Variants in NCKAP5L observed in about 807,000 individuals in gnomAD.
NCKAP5L encodes the protein NCK associated protein 5 like, also known as nck-associated protein 5-like.
Under a neutral mutation model 103.2 loss-of-function variants are expected in NCKAP5L, and 54 were observed. That is an observed-to-expected ratio of 0.52 (90% CI 0.42 to 0.66). The LOEUF is 0.66. NCKAP5L is among the 30% of genes least tolerant of loss of function. NCKAP5L has a pLI of 0.00. For missense variants in NCKAP5L, 1,733 were observed against 1,750.6 expected (o/e 0.99, Z 0.18); for synonymous variants, 762 against 748.6 (o/e 1.02, Z -0.29).
intron 1 of NCKAP5L, among the ~76,000 whole-genome samples, chr12:49,827,076 A>T (rs1946425116): frequency 6.6e-6 from 1 of 152,218 alleles, no homozygotes; most frequent in South Asian, 2.1e-4. Flanking sequence ...CTATCACACA[A>T]GGAGTCTCAG....
rs1946037223 is a variant in NCKAP5L at position 49,796,101 on chromosome 12, G to C, written c.1759C>G (p.Leu587Val). ...GGGGCCTGTGGTACCTCCAGAGTTA[G>C]CTGTGGGTAGGTGGGCACCTGCAGT... ...SPLQVPTYPQ[L>V]TLEVPQAPEV... The change falls in exon 8 of 13, where the codon CTA (leucine) becomes GTA (valine). Residue 587 changes from leucine to valine, a missense_variant. Physicochemically the swap from Leu to Val is conservative, Grantham distance 32 (BLOSUM62 1). Coordinates refer to ENST00000335999, the MANE Select transcript of NCKAP5L (RefSeq NM_001037806.4). 1 of 1,608,416 alleles carries C rather than the reference G, an allele frequency of 6.2e-7. No homozygotes were observed.
chr12:49,793,855 G>C lies in NCKAP5L; in HGVS notation c.3137C>G (p.Pro1046Arg). ...CTGGAAATCCCCGTACTCAGGCTTG[G>C]GCTCCCGCCAGCTCTTGGATGGCAG... ...KELPSKSWRE[P>R]KPEYGDFQPV... The change falls in exon 9 of 13, where the codon CCC (proline) becomes CGC (arginine). Residue 1046 changes from proline (P) to arginine (R), a missense_variant. Transcript: ENST00000335999. 1.3e-6 allele frequency: 2 copies of C among 1,574,522 alleles called. No homozygotes were observed. The highest frequency in any genetic ancestry group is 1.7e-6 in the Non-Finnish European group (2 of 1,160,794).
chr12:49,802,151 C>A, intron 5 of NCKAP5L, 184 bp from the exon 6 acceptor site: 1 of 610,682 alleles, frequency 1.6e-6, no homozygotes, highest in Non-Finnish European at 2.8e-6. Flanking sequence ...ATAGCATCTT[C>A]TAGGGATGGT....
intron 1 of NCKAP5L, among the ~76,000 whole-genome samples, chr12:49,816,105 CA>C (rs1244957983): frequency 4.6e-5 from 7 of 152,138 alleles, no homozygotes; most frequent in Non-Finnish European, 1.0e-4. Context: ...TCAGTATTTC[CA>C]AATGCAATGC....
chr12:49,803,617 C>A (rs1193683351), intron 3 of NCKAP5L, among the ~76,000 whole-genome samples: 1 of 152,102 alleles, frequency 6.6e-6, no homozygotes, highest in African/African-American at 2.4e-5. Flanking sequence ...CTCTGACCAC[C>A]CCCTTTCCTA....
Position 49,793,732 on chromosome 12 carries a change from AC to A in NCKAP5L, c.3258+1del. On this transcript the variant is annotated splice_donor_variant, in intron 9 of 12. Coordinates refer to ENST00000335999, the MANE Select transcript of NCKAP5L (RefSeq NM_001037806.4). LOFTEE classifies it high-confidence loss of function. ...CACCCAGTCCCTACCCCAAGAACTT[AC>A]CTTTCCAGGAGGTTTTCCGCAGCCC... The A allele has an allele frequency of 1.3e-6, 2 of 1,547,308 alleles. No individual in the cohort carries two copies. The highest frequency in any genetic ancestry group is 1.7e-6 in the Non-Finnish European group (2 of 1,146,922).
intron 2 of NCKAP5L, 56 bp from the exon 3 acceptor site, chr12:49,804,136 T>C (rs1946153919): frequency 6.5e-7 from 1 of 1,537,362 alleles, no homozygotes; most frequent in Non-Finnish European, 8.8e-7. Context: ...TGAAACCCTT[T>C]AGTCTCCTTG....
chr12:49,795,567 G>A lies in NCKAP5L; in HGVS notation c.2293C>T (p.Pro765Ser). ...GTGAGGCAGCTCCTTGGTGAGACAG[G>A]CTCCAGGTCCACCCGGGCCCCCATG... ...HSMGARVDLE[P>S]VSPRSCLTKV... is the part of the protein sequence containing the mutation. The change falls in exon 8 of 13, where the codon CCT (proline) becomes TCT (serine). Residue 765 changes from proline (P) to serine (S), a missense_variant. Coordinates refer to ENST00000335999, the MANE Select transcript of NCKAP5L (RefSeq NM_001037806.4). 6.5e-7 allele frequency: 1 copy of A among 1,543,478 alleles called. No individual in the cohort carries two copies. Among genetic ancestry groups the A allele is most frequent in the Non-Finnish European group, 8.7e-7 (1 of 1,148,876 alleles).
chr12:49,827,902 C>A (rs1281393120), intron 1 of NCKAP5L, among the ~76,000 whole-genome samples: 1 of 152,238 alleles, frequency 6.6e-6, no homozygotes, highest in African/African-American at 2.4e-5. Flanking sequence ...AGCCCCTCCC[C>A]CCGCAATAAC....
intron 1 of NCKAP5L, among the ~76,000 whole-genome samples, chr12:49,818,697 G>A (rs1282625279): frequency 6.6e-6 from 1 of 151,930 alleles, no homozygotes; most frequent in African/African-American, 2.4e-5. Context: ...TGGCCAGTGG[G>A]TATACGAAAA....
rs1946042742 is a variant in NCKAP5L, at chr12:49,796,333, T to A, written c.1527A>T (p.Gly509=). 2 of 1,545,738 alleles carry A rather than the reference T, an allele frequency of 1.3e-6. No homozygotes were observed. The highest frequency in any genetic ancestry group is 8.7e-7 in the Non-Finnish European group (1 of 1,146,810). ...CTTGCGCCCCCTCTGGGGACAGCTC[T>A]CCTCCACCCAGACCCCTTCGGGCCA... ...PLLARRGLGG[G]ELSPEGAQGL... Residue 509 remains glycine, a synonymous_variant, in exon 8 of 13, where the codon GGA becomes GGT. Transcript: ENST00000335999.
intron 1 of NCKAP5L, among the ~76,000 whole-genome samples, chr12:49,814,685 T>C (rs1159081117): frequency 6.6e-6 from 1 of 151,976 alleles, no homozygotes; most frequent in Admixed American, 6.6e-5. Flanking sequence ...AAAAAAGACA[T>C]AGTAGCACGT....
chr12:49,815,517 T>C (rs1252855938), intron 1 of NCKAP5L, among the ~76,000 whole-genome samples: 1 of 152,240 alleles, frequency 6.6e-6, no homozygotes, highest in East Asian at 1.9e-4. Flanking sequence ...TCTTTCAACA[T>C]GCTTCCTTTT....
At chr12:49,822,294 T>C (rs953253072) in intron 1 of NCKAP5L, among the ~76,000 whole-genome samples, 3 of 152,082 alleles carry the variant, frequency 2.0e-5, no homozygotes, top group Non-Finnish European at 4.4e-5. Flanking sequence ...GGTATGTTGT[T>C]ATAGCAGTTC....
intron 8 of NCKAP5L, 88 bp from the exon 9 acceptor site, chr12:49,793,984 G>A (rs1945984647): frequency 8.1e-7 from 1 of 1,241,182 alleles, no homozygotes; most frequent in African/African-American, 1.5e-5. Flanking sequence ...CTGGGCTTAG[G>A]GAGGCACTTC....
chr12:49,805,533 G>A (rs2603110), intron 2 of NCKAP5L: 44 of 152,122 alleles, frequency 2.9e-4, no homozygotes, highest in African/African-American at 9.2e-4. Flanking sequence ...AAGGGTGGAA[G>A]CTTGGTCCAT....
At position 49,795,073 on chromosome 12, in the gene NCKAP5L, T is replaced by C; in HGVS notation, c.2787A>G (p.Pro929=). Residue 929 remains proline (P), a synonymous_variant, in exon 8 of 13, where the codon CCA becomes CCG. Coordinates refer to ENST00000335999, the MANE Select transcript of NCKAP5L (RefSeq NM_001037806.4). ...SWFGLKKSKL[P]ALNRRTEATK... ...TGGCCTCTGTGCGGCGGTTCAGCGC[T>C]GGCAGCTTGCTCTTCTTAAGGCCGA... 2 of 1,612,180 alleles carry C rather than the reference T, an allele frequency of 1.2e-6. No individual in the cohort carries two copies. Among genetic ancestry groups the C allele is most frequent in the South Asian group, 1.1e-5 (1 of 90,808 alleles).
In NCKAP5L at chr12:49,793,830, C is replaced by G. The variant is rs1292922352; in HGVS notation, c.3162G>C (p.Gln1054His). The change falls in exon 9 of 13, where the codon CAG becomes CAC. Residue 1054 changes from glutamine to histidine, a missense_variant. Transcript: ENST00000335999. Reference sequence around the variant, plus strand: ...GGCTCTTGGGGTCAGAAGACACCGGCTGGAAATCCCCGTACTCAGGCTTGG... The same window carrying G: ...GGCTCTTGGGGTCAGAAGACACCGGGTGGAAATCCCCGTACTCAGGCTTGG... ...REPKPEYGDF[Q>H]PVSSDPKSPW... The G allele has an allele frequency of 1.4e-5, 22 of 1,590,322 alleles. No homozygotes were observed. The highest frequency in any genetic ancestry group is 1.9e-5 in the Non-Finnish European group (22 of 1,168,844).
chr12:49,795,595 G>A lies in NCKAP5L; in HGVS notation c.2265C>T (p.His755=). The change falls in exon 8 of 13, where the codon CAC becomes CAT. Residue 755 remains histidine, a synonymous_variant. Coordinates refer to ENST00000335999, the MANE Select transcript of NCKAP5L (RefSeq NM_001037806.4). Reference sequence around the variant, plus strand: ...CCAGGTCCACCCGGGCCCCCATGGAGTGAGAGGAGTAGACTCGGGCCCCGG... The same window carrying A: ...CCAGGTCCACCCGGGCCCCCATGGAATGAGAGGAGTAGACTCGGGCCCCGG... ...GDPGARVYSS[H]SMGARVDLEP... 1 of 1,580,494 alleles carries A rather than the reference G, an allele frequency of 6.3e-7. No individual in the cohort carries two copies. The highest frequency in any genetic ancestry group is 8.6e-7 in the Non-Finnish European group (1 of 1,164,266).
Sources: gnomAD v4.1 joint callset for allele counts (sites outside exome capture counted in the v4.1 genomes callset) on GRCh38, gnomAD v4.1.1 for gene constraint, MANE v1.5 for transcripts, NCBI Gene and HGNC (gene_info 2026-07-23, HGNC 2026-07-21) for gene names.